TMPRSS12: variants seen among roughly 807,000 people sequenced by gnomAD.
The protein encoded by TMPRSS12 is transmembrane protease serine 12.
A neutral mutation model predicts 26.0 loss-of-function variants in TMPRSS12; 25 were observed. That is an observed-to-expected ratio of 0.96 (90% CI 0.70 to 1.34). The LOEUF (loss-of-function observed/expected upper bound fraction) is 1.34. Among genes scored for constraint, TMPRSS12 ranks in the 40% most tolerant of loss-of-function variants. The probability of loss-of-function intolerance (pLI) is 0.00; values close to 1 mark genes in which losing one functional copy is unlikely to be tolerated. For missense variants in TMPRSS12, 441 were observed against 440.1 expected (o/e 1.00, Z -0.02); for synonymous variants, 150 against 161.7 (o/e 0.93, Z 0.55).
chr12:50,870,213 A>C (rs887414946), intron 3 of TMPRSS12, among the ~76,000 whole-genome samples: 6 of 151,558 alleles, frequency 4.0e-5, no homozygotes, highest in Non-Finnish European at 5.9e-5. Context: ...ACAACAACAA[A>C]AAACAAAACA....
At chr12:50,879,171 T>A (rs1361076570) in intron 3 of TMPRSS12, among the ~76,000 whole-genome samples, 1 of 152,160 alleles carries the variant, frequency 6.6e-6, no homozygotes, top group South Asian at 2.1e-4. Context: ...TCAAAATGGA[T>A]CATAGACCTA....
chr12:50,884,179 C>T (rs761785208), intron 3 of TMPRSS12, among the ~76,000 whole-genome samples: 2 of 152,098 alleles, frequency 1.3e-5, no homozygotes, highest in Non-Finnish European at 2.9e-5. Context: ...GACCTCTAAC[C>T]TACAGCAAAC....
intron 2 of TMPRSS12, among the ~76,000 whole-genome samples, chr12:50,844,572 A>G (rs1937750251): frequency 6.6e-6 from 1 of 151,892 alleles, no homozygotes. Context: ...AGGGGGTTTC[A>G]CCATGTTGGC....
chr12:50,855,953 G>A (rs1365596921), intron 2 of TMPRSS12, among the ~76,000 whole-genome samples: 3 of 152,126 alleles, frequency 2.0e-5, no homozygotes, highest in African/African-American at 7.2e-5. Context: ...ATTAATACAG[G>A]AACAGAAAAC....
At chr12:50,880,914 T>A (rs1346560135) in intron 3 of TMPRSS12, among the ~76,000 whole-genome samples, 1 of 150,382 alleles carries the variant, frequency 6.6e-6, no homozygotes, top group Admixed American at 6.7e-5. Flanking sequence ...TGATTCCATT[T>A]ATATAAAATT....
intron 2 of TMPRSS12, among the ~76,000 whole-genome samples, chr12:50,852,276 A>G (rs1462626651): frequency 6.6e-6 from 1 of 152,242 alleles, no homozygotes; most frequent in Non-Finnish European, 1.5e-5. Context: ...ACCCACCTGT[A>G]CATTGTCTTT....
At chr12:50,873,113 C>T (rs1412334258) in intron 3 of TMPRSS12, among the ~76,000 whole-genome samples, 5 of 151,534 alleles carry the variant, frequency 3.3e-5, no homozygotes, top group East Asian at 1.9e-4. Flanking sequence ...CATATATTCT[C>T]GCTGATATGT....
intron 3 of TMPRSS12, among the ~76,000 whole-genome samples, chr12:50,866,202 A>G (rs1353720835): frequency 6.6e-6 from 1 of 152,052 alleles, no homozygotes; most frequent in Admixed American, 6.6e-5. Flanking sequence ...GACTTGGGAG[A>G]CACCCCAAAT....
At chr12:50,880,077 T>C (rs950795460) in intron 3 of TMPRSS12, among the ~76,000 whole-genome samples, 1 of 152,160 alleles carries the variant, frequency 6.6e-6, no homozygotes, top group African/African-American at 2.4e-5. Flanking sequence ...AAGGTAGGTA[T>C]ACAAATGGCT....
chr12:50,872,395 C>A (rs1274134572), intron 3 of TMPRSS12, among the ~76,000 whole-genome samples: 14 of 149,044 alleles, frequency 9.4e-5, no homozygotes, highest in African/African-American at 3.2e-4. Context: ...CGCCTGTAGT[C>A]CCAGCTACTC....
intron 2 of TMPRSS12, among the ~76,000 whole-genome samples, chr12:50,845,124 G>A (rs914882321): frequency 1.3e-5 from 2 of 152,136 alleles, no homozygotes; most frequent in Non-Finnish European, 2.9e-5. Flanking sequence ...TTGAAAAAGA[G>A]ACTCTCTTTG....
At chr12:50,859,533 T>G (rs1937915578) in intron 3 of TMPRSS12, among the ~76,000 whole-genome samples, 1 of 152,054 alleles carries the variant, frequency 6.6e-6, no homozygotes, top group Admixed American at 6.6e-5. Context: ...AATTTTTGTA[T>G]TTGTAGTAAA....
intron 2 of TMPRSS12, among the ~76,000 whole-genome samples, chr12:50,850,996 A>G (rs1303366998): frequency 6.6e-6 from 1 of 152,168 alleles, no homozygotes; most frequent in African/African-American, 2.4e-5. Flanking sequence ...ACTAAACCCA[A>G]CTTATAACAC....
chr12:50,862,653 G>A (rs915480837), intron 3 of TMPRSS12, among the ~76,000 whole-genome samples: 4 of 152,040 alleles, frequency 2.6e-5, no homozygotes, highest in Non-Finnish European at 4.4e-5. Context: ...AGCGTCTCCA[G>A]TAGCTGGGAT....
At chr12:50,873,843 A>C (rs1938089580) in intron 3 of TMPRSS12, among the ~76,000 whole-genome samples, 1 of 152,208 alleles carries the variant, frequency 6.6e-6, no homozygotes, top group African/African-American at 2.4e-5. Flanking sequence ...CATAAAAATA[A>C]TGTCTAAGTT....
At position 50,887,454 on chromosome 12, in the gene TMPRSS12, A is replaced by G; in HGVS notation, c.988A>G (p.Ile330Val). The part of the protein sequence containing the change: ...ASTQGILTIN[I>V]LRGQILIALC... ...CACTCAAGGCATACTTACTATAAAT[A>G]TTTTACGTGGCCAGATCCTCATAGC... is the stretch of plus-strand genomic sequence containing the variant. The change falls in exon 5 of 5, where the codon ATT becomes GTT. Residue 330 changes from isoleucine (I) to valine (V), a missense_variant. Coordinates refer to ENST00000398458, the MANE Select transcript of TMPRSS12 (RefSeq NM_182559.3). 1 of 1,613,882 alleles carries G rather than the reference A, an allele frequency of 6.2e-7. No individual in the cohort carries two copies. The highest frequency in any genetic ancestry group is 8.5e-7 in the Non-Finnish European group (1 of 1,179,870).
In TMPRSS12 at chr12:50,865,057, T is replaced by G. The variant is rs922331419; in HGVS notation, c.652+6004T>G. Among the ~76,000 whole-genome samples the G allele has an allele frequency of 3.9e-5, 6 of 152,252 alleles. No homozygotes were observed. The East Asian group carries it at 1.2e-3, about 29-fold the overall frequency. The stretch of plus-strand genomic sequence containing the variant: ...TTTAAAACTCATTGGATAGGCTGGG[T>G]GCGGTGGCCCATGCCTGTAATCCTA... On this transcript the variant is annotated intron_variant, in intron 3 of 4. Coordinates refer to ENST00000398458, the MANE Select transcript of TMPRSS12 (RefSeq NM_182559.3).
intron 2 of TMPRSS12, among the ~76,000 whole-genome samples, chr12:50,845,581 T>C (rs1172608691): frequency 6.6e-6 from 1 of 152,214 alleles, no homozygotes; most frequent in East Asian, 1.9e-4. Flanking sequence ...CTATTTCTTC[T>C]CTATTTTCTC....
chr12:50,886,880 C>T lies in TMPRSS12; in HGVS notation c.796-382C>T, dbSNP rs1001109991. 11 of 171,498 alleles carry T rather than the reference C, an allele frequency of 6.4e-5. No individual in the cohort carries two copies. The Admixed American group carries it at 6.7e-4, about 10-fold the overall frequency. 10.6% of individuals were successfully genotyped at this position (171,498 alleles called of 1,614,324 possible). A position where few individuals can be genotyped will look rare whatever the true frequency, so the allele number is the denominator to read the frequency against. ...TTCATACATCTTAAAGTTATCCTTT[C>T]CACACGCAGTATTCAGCAAGAGAAT... On this transcript the variant is annotated intron_variant, in intron 4 of 4. Coordinates refer to ENST00000398458, the MANE Select transcript of TMPRSS12 (RefSeq NM_182559.3).
Sources: gnomAD v4.1 joint callset for allele counts (sites outside exome capture counted in the v4.1 genomes callset) on GRCh38, gnomAD v4.1.1 for gene constraint, MANE v1.5 for transcripts, NCBI Gene and HGNC (gene_info 2026-07-23, HGNC 2026-07-21) for gene names.